CDC73: variants seen among roughly 807,000 people sequenced by gnomAD.
CDC73 encodes cell division cycle 73.
Under a neutral mutation model 83.7 loss-of-function variants are expected in CDC73, and 21 were observed. The ratio of observed to expected loss-of-function variants is 0.25; its 90% CI spans 0.18 to 0.36. The LOEUF (loss-of-function observed/expected upper bound fraction) is 0.36, where lower values mean the gene tolerates loss of function less well. Ranked by LOEUF, CDC73 falls within the 10% of genes least tolerant of loss-of-function variation. The pLI is 1.00. For missense variants in CDC73, 342 were observed against 653.3 expected, an observed-to-expected ratio of 0.52 and a Z score of 5.19; for synonymous variants, 224 against 212.9, an observed-to-expected ratio of 1.05 and a Z score of -0.45.
chr1:193,212,674 A>G (rs1309865865), intron 13 of CDC73, among the ~76,000 whole-genome samples, 197 bp downstream of exon 13: 1 of 152,210 alleles, frequency 6.6e-6, no homozygotes, highest in Non-Finnish European at 1.5e-5. Context: ...GGAAAGTTAC[A>G]GAAACTTCTG....
At chr1:193,163,387 G>A (rs1007203626) in intron 10 of CDC73, among the ~76,000 whole-genome samples, 1 of 151,858 alleles carries the variant, frequency 6.6e-6, no homozygotes, top group African/African-American at 2.4e-5. Context: ...TGTGCCTGTA[G>A]TCTCAGGTAC....
At chr1:193,206,597 A>T (rs1394903589) in intron 11 of CDC73, among the ~76,000 whole-genome samples, 1 of 152,166 alleles carries the variant, frequency 6.6e-6, no homozygotes, top group Non-Finnish European at 1.5e-5. Flanking sequence ...CACTAGTATT[A>T]TTTCTTTAAA....
chr1:193,149,486 A>G (rs1676067582), intron 8 of CDC73, among the ~76,000 whole-genome samples: 1 of 152,220 alleles, frequency 6.6e-6, no homozygotes, highest in Admixed American at 6.5e-5. Context: ...AAACATGTCA[A>G]ACCTTAAAAC....
At position 193,233,165 on chromosome 1, in the gene CDC73, C is replaced by T. The variant is rs917463973; in HGVS notation, c.1316+11C>T. The T allele has an allele frequency of 6.3e-7, 1 of 1,597,032 alleles. No individual in the cohort carries two copies. The highest frequency in any genetic ancestry group is 8.6e-7 in the Non-Finnish European group (1 of 1,165,126). Reference sequence around the variant, plus strand: ...TATGCCTCAAGACTGGTAAGATAGTCTCTATATATATATCTTTTCACAGGT... The same window carrying T: ...TATGCCTCAAGACTGGTAAGATAGTTTCTATATATATATCTTTTCACAGGT... On this transcript the variant is annotated intron_variant, in intron 14 of 16. Transcript: ENST00000367435.
At chr1:193,134,656 G>A (rs1675757841) in intron 3 of CDC73, among the ~76,000 whole-genome samples, 1 of 152,048 alleles carries the variant, frequency 6.6e-6, no homozygotes, top group Non-Finnish European at 1.5e-5. Flanking sequence ...GTGACAGAGC[G>A]AGACTCCGTC....
At chr1:193,186,630 C>G (rs924662485) in intron 10 of CDC73, 1 of 152,104 alleles carries the variant, frequency 6.6e-6, no homozygotes, top group Non-Finnish European at 1.5e-5. Flanking sequence ...GACAGATGCT[C>G]TCTCTGACAG....
At chr1:193,130,051 T>C (rs1353289846) in intron 2 of CDC73, 123 bp from the exon 3 acceptor site, 10 of 651,486 alleles carry the variant, frequency 1.5e-5, no homozygotes, top group Non-Finnish European at 2.5e-5. Context: ...TTTTTACAAA[T>C]GTGATTTAAA....
intron 13 of CDC73, among the ~76,000 whole-genome samples, chr1:193,225,617 G>T: frequency 6.6e-6 from 1 of 152,036 alleles, no homozygotes; most frequent in East Asian, 1.9e-4. Context: ...AAGTAAGGCA[G>T]TATTGCATTT....
chr1:193,153,219 C>T (rs1344471000), intron 10 of CDC73, among the ~76,000 whole-genome samples: 1 of 151,934 alleles, frequency 6.6e-6, no homozygotes, highest in East Asian at 1.9e-4. Flanking sequence ...CTTTTTTTAA[C>T]CTAAAAATGG....
intron 7 of CDC73, 59 bp from the exon 8 acceptor site, chr1:193,147,808 A>G (rs1247100507): frequency 3.3e-6 from 3 of 909,634 alleles, no homozygotes; most frequent in Non-Finnish European, 5.4e-6. Context: ...TTAAATTATC[A>G]ACTAAATTTA....
rs1336120271 is a variant in CDC73, at chr1:193,233,128, G to A, written c.1290G>A (p.Gln430=). Residue 430 remains glutamine (Q), a synonymous_variant, in exon 14 of 17, where the codon CAG becomes CAA. Transcript: ENST00000367435. ...CAGTACCTTATAGAGTAGTAGACCA[G>A]CCCCTTAAACTTATGCCTCAAGACT... ...SVTVPYRVVD[Q]PLKLMPQDWD... The A allele has an allele frequency of 1.2e-6, 2 of 1,613,316 alleles. No individual in the cohort carries two copies. Among genetic ancestry groups the A allele is most frequent in the Non-Finnish European group, 8.5e-7 (1 of 1,179,358 alleles).
chr1:193,199,652 A>C (rs540223778), intron 10 of CDC73, among the ~76,000 whole-genome samples: 4 of 150,434 alleles, frequency 2.7e-5, no homozygotes, highest in African/African-American at 9.8e-5. Flanking sequence ...CAGAGGTTGC[A>C]GTGAGCCGAG....
intron 3 of CDC73, among the ~76,000 whole-genome samples, chr1:193,133,940 CTG>C (rs1675741094): frequency 6.6e-6 from 1 of 150,578 alleles, no homozygotes; most frequent in Admixed American, 6.6e-5. Context: ...AGAAAAAAAT[CTG>C]TAAGTTTGAT....
At chr1:193,136,443 T>C in intron 5 of CDC73, 1 of 252,028 alleles carries the variant, frequency 4.0e-6, no homozygotes. Context: ...TGATTCATTG[T>C]TATTGCTCTA....
intron 12 of CDC73, 118 bp from the exon 13 acceptor site, chr1:193,212,272 T>G: frequency 1.1e-6 from 1 of 892,190 alleles, no homozygotes; most frequent in African/African-American, 1.7e-5. Context: ...TCCACTGGCT[T>G]AAAATATTTT....
intron 10 of CDC73, among the ~76,000 whole-genome samples, chr1:193,169,073 T>C (rs892170194): frequency 6.6e-6 from 1 of 152,226 alleles, no homozygotes; most frequent in African/African-American, 2.4e-5. Flanking sequence ...TACTCTTGAC[T>C]TAAATTTTTA....
intron 10 of CDC73, among the ~76,000 whole-genome samples, chr1:193,182,786 G>A (rs1676739492): frequency 6.6e-6 from 1 of 151,910 alleles, no homozygotes; most frequent in Admixed American, 6.6e-5. Context: ...TAGTTTTTGG[G>A]GACCAATATG....
intron 3 of CDC73, among the ~76,000 whole-genome samples, chr1:193,133,397 G>A (rs530245158): frequency 2.0e-5 from 3 of 152,218 alleles, no homozygotes; most frequent in African/African-American, 7.2e-5. Context: ...TCTTGAGGTA[G>A]GAATAGAACT....
chr1:193,129,357 C>G lies in CDC73; in HGVS notation c.238-817C>G, dbSNP rs867047506. Among the ~76,000 whole-genome samples the G allele has an allele frequency of 5.3e-5, 8 of 151,716 alleles. No homozygotes were observed. The South Asian group carries it at 1.5e-3, about 28-fold the overall frequency. ...ATGTTGGCCAGGCTGGTCTTGAACT[C>G]ATGACCTCAAGGGATGCGCCCGCCT... is the stretch of plus-strand genomic sequence containing the variant. On this transcript the variant is annotated intron_variant, in intron 2 of 16. Transcript: ENST00000367435.
Sources: gnomAD v4.1 joint callset for allele counts (sites outside exome capture counted in the v4.1 genomes callset) on GRCh38, gnomAD v4.1.1 for gene constraint, MANE v1.5 for transcripts, NCBI Gene and HGNC (gene_info 2026-07-23, HGNC 2026-07-21) for gene names.